The following CARM1 variants were observed in gnomAD, a reference collection of about 807,000 sequenced individuals.
CARM1 encodes histone-arginine methyltransferase CARM1.
Under a neutral mutation model 72.7 loss-of-function variants are expected in CARM1, and 14 were observed. That is an observed-to-expected ratio of 0.19 (90% CI 0.13 to 0.30). CARM1 has a LOEUF of 0.30. Among genes scored for constraint, CARM1 ranks in the 10% least tolerant of loss-of-function variants. The pLI is 1.00. For missense variants in CARM1, 432 were observed against 833.7 expected, an observed-to-expected ratio of 0.52 and a Z score of 5.93; for synonymous variants, 333 against 345.5, an observed-to-expected ratio of 0.96 and a Z score of 0.40.
intron 1 of CARM1, among the ~76,000 whole-genome samples, chr19:10,877,094 G>A (rs569907321): frequency 9.9e-5 from 15 of 152,238 alleles, no homozygotes; most frequent in Non-Finnish European, 4.4e-5. Flanking sequence ...AGGGGCCCTT[G>A]TGACTTCCTT....
At chr19:10,876,537 C>T (rs1414851555) in intron 1 of CARM1, among the ~76,000 whole-genome samples, 4 of 152,250 alleles carry the variant, frequency 2.6e-5, no homozygotes, top group African/African-American at 4.8e-5. Context: ...TGTTCCTTGA[C>T]GTCTGCACCC....
At position 10,885,814 on chromosome 19, in the gene CARM1, C is replaced by T. The variant is rs1004630293; in HGVS notation, c.220+13892C>T. On this transcript the variant is annotated intron_variant, in intron 1 of 15. Transcript: ENST00000327064. ...TGATGGGATGCCTGGCTCTTACTCCCGCTCACACACTCCAAGTCTCGCTAT... is the reference window on the plus strand; with the variant it reads ...TGATGGGATGCCTGGCTCTTACTCCTGCTCACACACTCCAAGTCTCGCTAT... Among the ~76,000 whole-genome samples, 5 of 151,900 alleles carry T rather than the reference C, an allele frequency of 3.3e-5. No homozygotes were observed. In the East Asian group the frequency reaches 5.8e-4, roughly 18 times the overall value.
rs1395931990 is a variant in CARM1, at chr19:10,871,786, C to T, written c.84C>T (p.Thr28=). Residue 28 remains threonine (T), a synonymous_variant, in exon 1 of 16, where the codon ACC becomes ACT. Transcript: ENST00000327064. This position sits in a 1 kb window ranked among gnomAD's most constrained non-coding sequence, Gnocchi z 5.6. ...CGGGCGGCGCGGGGCCCTGCGCTAC[C>T]GTGTCGGTGTTCCCCGGCGCCCGCC... is the stretch of plus-strand genomic sequence containing the variant. The part of the protein sequence containing the change: ...AVPGGAGPCA[T]VSVFPGARLL... The T allele has an allele frequency of 1.1e-5, 13 of 1,201,186 alleles. No individual in the cohort carries two copies. Among genetic ancestry groups the T allele is most frequent in the African/African-American group, 1.6e-5 (1 of 61,842 alleles). The allele number at this position is 1,201,186 out of a possible 1,614,324, so 74.4% of individuals were successfully genotyped here. A position where few individuals can be genotyped will look rare whatever the true frequency, so the allele number is the denominator to read the frequency against.
At chr19:10,878,084 C>T (rs1029633421) in intron 1 of CARM1, among the ~76,000 whole-genome samples, 2 of 152,126 alleles carry the variant, frequency 1.3e-5, no homozygotes, top group South Asian at 2.1e-4. Flanking sequence ...TCAAACCATC[C>T]TCCTCCTGCC....
intron 1 of CARM1, among the ~76,000 whole-genome samples, chr19:10,890,788 TATATA>T (rs1905079359): frequency 5.0e-5 from 5 of 99,714 alleles, no homozygotes; most frequent in African/African-American, 1.9e-4. Context: ...TATATATATA[TATATA>T]TATTTTTTTT....
chr19:10,889,450 G>C (rs939237623), intron 1 of CARM1, among the ~76,000 whole-genome samples: 13 of 151,658 alleles, frequency 8.6e-5, no homozygotes, highest in African/African-American at 3.1e-4. Flanking sequence ...AAGTAGCTGG[G>C]ATTACAGGTG....
rs1159829834 is a variant in CARM1 at position 10,921,754 on chromosome 19, C to T, written c.1824C>T (p.Ser608=). Residue 608 remains serine (S), a synonymous_variant, in exon 16 of 16, where the codon AGC becomes AGT. Coordinates refer to ENST00000327064, the MANE Select transcript of CARM1 (RefSeq NM_199141.2). The part of the protein sequence containing the change: ...SIPTNTMHYG[S] Reference sequence around the variant, plus strand: ...CGACCAACACCATGCACTACGGGAGCTAGGGGCCCGCCCCGCGGACTGACA... The same window carrying T: ...CGACCAACACCATGCACTACGGGAGTTAGGGGCCCGCCCCGCGGACTGACA... The T allele has an allele frequency of 1.9e-6, 3 of 1,594,814 alleles. No homozygotes were observed. In the Admixed American group the frequency reaches 5.2e-5, roughly 28 times the overall value.
At position 10,909,215 on chromosome 19, in the gene CARM1, G is replaced by A. The variant is rs750442342; in HGVS notation, c.558+8G>A. On this transcript the variant is annotated splice_region_variant and intron_variant, in intron 4 of 15. Transcript: ENST00000327064. ...ACCGACTTCAAGGACAAGGTGAGTG[G>A]CCCGCGCATGTGCCCACCTCTCTGC... is the stretch of plus-strand genomic sequence containing the variant. 7.0e-6 allele frequency: 11 copies of A among 1,571,866 alleles called. No homozygotes were observed. In the African/African-American group the frequency reaches 1.4e-4, roughly 19 times the overall value.
intron 1 of CARM1, among the ~76,000 whole-genome samples, chr19:10,872,852 A>G (rs1045961041): frequency 1.3e-5 from 2 of 151,872 alleles, no homozygotes; most frequent in African/African-American, 4.8e-5. Flanking sequence ...GGCTTCTTGC[A>G]CTGATGCCCT....
intron 4 of CARM1, among the ~76,000 whole-genome samples, chr19:10,911,101 G>A (rs1377273727): frequency 6.6e-6 from 1 of 151,842 alleles, no homozygotes; most frequent in East Asian, 1.9e-4. Context: ...ATGTTGCCCA[G>A]GCTGGTCTCA....
At chr19:10,890,265 G>T (rs374318003) in intron 1 of CARM1, among the ~76,000 whole-genome samples, 33,888 of 144,258 alleles carry the variant, frequency 0.23, 4,119 homozygotes, top group Middle Eastern at 0.34. Context: ...TTTTTGTTTT[G>T]TTTGTTTTTT....
Position 10,912,719 on chromosome 19 carries a change from C to T in CARM1, c.669+425C>T, listed in dbSNP as rs1428073494. 1.3e-5 allele frequency among the ~76,000 whole-genome samples: 2 copies of T among 152,118 alleles called. No homozygotes were observed. The highest frequency in any genetic ancestry group is 3.9e-4 in the East Asian group (2 of 5,190). ...CCAGTGGAGGCTGCACCCTCCATTC[C>T]CTGCTCTGCCTCTCCCATGGATCTG... is the stretch of plus-strand genomic sequence containing the variant. On this transcript the variant is annotated intron_variant, in intron 5 of 15. Coordinates refer to ENST00000327064, the MANE Select transcript of CARM1 (RefSeq NM_199141.2). This position sits in a 1 kb window ranked among gnomAD's most constrained non-coding sequence, Gnocchi z 4.5.
At chr19:10,875,317 G>A (rs1217432432) in intron 1 of CARM1, among the ~76,000 whole-genome samples, 1 of 151,958 alleles carries the variant, frequency 6.6e-6, no homozygotes, top group East Asian at 1.9e-4. Context: ...CCTGTGTCTT[G>A]TGTCCTCTTT....
chr19:10,899,843 C>T (rs958939922), intron 1 of CARM1, among the ~76,000 whole-genome samples: 3 of 151,874 alleles, frequency 2.0e-5, no homozygotes, highest in African/African-American at 7.3e-5. Flanking sequence ...GCCTCAGCCT[C>T]CTGAGTAGCT....
chr19:10,890,744 T>C (rs2073979161), intron 1 of CARM1, among the ~76,000 whole-genome samples: 1 of 142,076 alleles, frequency 7.0e-6, no homozygotes, highest in Non-Finnish European at 1.5e-5. Context: ...TATATACACA[T>C]GCATATACAC....
At chr19:10,909,059 C>A in intron 3 of CARM1, 44 bp from the exon 4 acceptor site, 1 of 1,478,000 alleles carries the variant, frequency 6.8e-7, no homozygotes, top group South Asian at 1.1e-5. Flanking sequence ...TTGGCTGCCT[C>A]GTGCCACCAT....
In CARM1 at chr19:10,922,954, G is replaced by A. The variant is rs534105133; in HGVS notation, c.*1197G>A. ...TAGGAGGGAAAGCAGGTGGCCCGGG[G>A]GGGATATGGGGGCCCCAGCCCTGTC... On this transcript the variant is annotated 3_prime_UTR_variant, in exon 16 of 16. Transcript: ENST00000327064. 1.3e-4 allele frequency: 27 copies of A among 213,040 alleles called. No individual in the cohort carries two copies. Among genetic ancestry groups the A allele is most frequent in the Non-Finnish European group, 2.4e-4 (26 of 108,724 alleles). The allele number at this position is 213,040 out of a possible 1,614,324, so 13.2% of individuals were successfully genotyped here.
Position 10,922,024 on chromosome 19 carries a change from C to T in CARM1, c.*267C>T, listed in dbSNP as rs2074261658. Reference sequence around the variant, plus strand: ...TCGTCCCCCCTCCTGCCCGCTCTACCCTGACCTGGGCTTGTCATCTGCTGG... The same window carrying T: ...TCGTCCCCCCTCCTGCCCGCTCTACTCTGACCTGGGCTTGTCATCTGCTGG... On this transcript the variant is annotated 3_prime_UTR_variant, in exon 16 of 16. Coordinates refer to ENST00000327064, the MANE Select transcript of CARM1 (RefSeq NM_199141.2). The T allele has an allele frequency of 1.5e-5, 5 of 325,354 alleles. No homozygotes were observed. In the South Asian group the frequency reaches 2.6e-4, roughly 17 times the overall value. The allele number at this position is 325,354 out of a possible 1,614,324, so 20.2% of individuals were successfully genotyped here.
chr19:10,879,772 C>A (rs1208621250), intron 1 of CARM1, among the ~76,000 whole-genome samples: 1 of 152,136 alleles, frequency 6.6e-6, no homozygotes, highest in Admixed American at 6.6e-5. Context: ...TGCAACCACA[C>A]CCAGATAATT....
Sources: allele counts gnomAD v4.1 joint callset (sites outside exome capture counted in the v4.1 genomes callset), GRCh38; gene constraint gnomAD v4.1.1; non-coding constraint Gnocchi (gnomAD v3.1); transcripts MANE v1.5; gene names NCBI Gene and HGNC (gene_info 2026-07-23, HGNC 2026-07-21).